DPF3: variants seen among roughly 807,000 people sequenced by gnomAD.
DPF3 encodes the protein zinc finger protein DPF3.
A neutral mutation model predicts 56.8 loss-of-function variants in DPF3; 18 were observed. That is an observed-to-expected ratio of 0.32 (90% confidence interval 0.22 to 0.47). The LOEUF (loss-of-function observed/expected upper bound fraction) is 0.47, where lower values mean the gene tolerates loss of function less well. Ranked by LOEUF, DPF3 falls within the 20% of genes least tolerant of loss-of-function variation. The probability of loss-of-function intolerance (pLI) is 1.00; values close to 1 mark genes in which losing one functional copy is unlikely to be tolerated. For missense variants in DPF3, 403 were observed against 488.8 expected, an observed-to-expected ratio of 0.82 and a Z score of 1.65; for synonymous variants, 188 against 180.2, an observed-to-expected ratio of 1.04 and a Z score of -0.35.
chr14:72,861,806 G>A (rs868026769), intron 1 of DPF3, among the ~76,000 whole-genome samples: 140 of 82,980 alleles, frequency 1.7e-3, no homozygotes, highest in African/African-American at 3.3e-3. Flanking sequence ...AAAGAAAGAA[G>A]GAAAGAATTT....
At chr14:72,803,817 A>C (rs1419636894) in intron 1 of DPF3, among the ~76,000 whole-genome samples, 1 of 152,236 alleles carries the variant, frequency 6.6e-6, no homozygotes, top group Non-Finnish European at 1.5e-5. Flanking sequence ...GAGCTTTGTA[A>C]CGCAAAAGGC....
Position 72,711,652 on chromosome 14 carries a change from T to C in DPF3, c.604+2771A>G, listed in dbSNP as rs183637492. 2.0e-5 allele frequency among the ~76,000 whole-genome samples: 3 copies of C among 151,978 alleles called. No individual in the cohort carries two copies. In the East Asian group the frequency reaches 5.8e-4, roughly 30 times the overall value. ...GGTGGGGCCCTAAGTCAACCAAGAA[T>C]ATATGGGATGTTCAGAAGGTCTCCC... On this transcript the variant is annotated intron_variant, in intron 6 of 10. Transcript: ENST00000556509.
At position 72,826,361 on chromosome 14, in the gene DPF3, G is replaced by A. The variant is rs76037696; in HGVS notation, c.33-54468C>T. On this transcript the variant is annotated intron_variant, in intron 1 of 10. Transcript: ENST00000556509. ...AATTAATCCTCTAGGCTTCCTCCCT[G>A]CACTCTGCCTACTCTCCGCTCCTCC... Among the ~76,000 whole-genome samples the A allele has an allele frequency of 2.8e-3, 427 of 152,240 alleles. 4 individuals are homozygous for A. Among genetic ancestry groups the A allele is most frequent in the African/African-American group, 9.9e-3 (411 of 41,538 alleles).
At chr14:72,844,346 T>C (rs1599490071) in intron 1 of DPF3, among the ~76,000 whole-genome samples, 1 of 152,168 alleles carries the variant, frequency 6.6e-6, no homozygotes, top group Admixed American at 6.5e-5. Flanking sequence ...ACCCCACCCA[T>C]CCTTGGGTCA....
chr14:72,724,064 G>A (rs1323052786), intron 4 of DPF3: 1 of 200,092 alleles, frequency 5.0e-6, no homozygotes, highest in Non-Finnish European at 9.9e-6. Context: ...TTTTGTAAAT[G>A]TAATGTTTCT....
intron 1 of DPF3, among the ~76,000 whole-genome samples, chr14:72,837,863 C>T (rs1884364540): frequency 6.6e-6 from 1 of 152,244 alleles, no homozygotes; most frequent in African/African-American, 2.4e-5. Flanking sequence ...AGTTCGTCTG[C>T]GGCCTTCATG....
intron 1 of DPF3, among the ~76,000 whole-genome samples, chr14:72,876,250 T>C (rs945780757): frequency 3.9e-5 from 6 of 152,022 alleles, no homozygotes; most frequent in Non-Finnish European, 7.4e-5. Flanking sequence ...ACAGGGTGTC[T>C]CCCTCACCCC....
intron 3 of DPF3, among the ~76,000 whole-genome samples, chr14:72,746,462 G>A (rs1567219655): frequency 6.6e-6 from 1 of 152,136 alleles, no homozygotes; most frequent in Non-Finnish European, 1.5e-5. Flanking sequence ...TCTGCCCTAG[G>A]GTTTGTGGGG....
chr14:72,617,605 G>A lies in DPF3; in HGVS notation c.*1692C>T, dbSNP rs1182290581. ...CCCCTGCAGGAGAGTGACCCCCATC[G>A]CTTGCCACAGGTCACTCTGCTGAAG... On this transcript the variant is annotated 3_prime_UTR_variant, in exon 11 of 11. Transcript: ENST00000556509. Among the ~76,000 whole-genome samples the A allele has an allele frequency of 5.3e-5, 8 of 152,164 alleles. No homozygotes were observed. Among genetic ancestry groups the A allele is most frequent in the Admixed American group, 5.2e-4 (8 of 15,282 alleles).
At chr14:72,762,892 T>C (rs1024015107) in intron 2 of DPF3, among the ~76,000 whole-genome samples, 2 of 152,010 alleles carry the variant, frequency 1.3e-5, no homozygotes, top group African/African-American at 4.8e-5. Flanking sequence ...AGAAAGCTAT[T>C]AGAACTAATG....
intron 8 of DPF3, among the ~76,000 whole-genome samples, chr14:72,660,855 C>T (rs559157200): frequency 6.6e-6 from 1 of 152,298 alleles, no homozygotes; most frequent in African/African-American, 2.4e-5. Flanking sequence ...CTTTCCAGGC[C>T]ACCATCTGTC....
intron 8 of DPF3, among the ~76,000 whole-genome samples, chr14:72,663,986 G>A (rs1400066786): frequency 6.6e-6 from 1 of 152,004 alleles, no homozygotes; most frequent in African/African-American, 2.4e-5. Flanking sequence ...ACCTGCTCCT[G>A]TTCCTTGCCT....
chr14:72,686,514 C>G (rs148917915), intron 7 of DPF3, among the ~76,000 whole-genome samples: 1 of 152,352 alleles, frequency 6.6e-6, no homozygotes, highest in African/African-American at 2.4e-5. Flanking sequence ...CATTCACACC[C>G]TGGACTGACC....
chr14:72,860,443 C>A (rs1885351545), intron 1 of DPF3, among the ~76,000 whole-genome samples: 1 of 152,220 alleles, frequency 6.6e-6, no homozygotes, highest in Non-Finnish European at 1.5e-5. Flanking sequence ...CCTCAGCCTC[C>A]CAAAGTGCTG....
chr14:72,702,591 GCCA>G (rs1259825179), intron 6 of DPF3, among the ~76,000 whole-genome samples: 3 of 152,088 alleles, frequency 2.0e-5, no homozygotes, highest in Non-Finnish European at 4.4e-5. Flanking sequence ...GAAGTTTGGG[GCCA>G]CCAACACCTC....
At chr14:72,743,402 G>A (rs527486988) in intron 3 of DPF3, among the ~76,000 whole-genome samples, 64 of 152,168 alleles carry the variant, frequency 4.2e-4, no homozygotes, top group African/African-American at 1.5e-3. Flanking sequence ...GCATCACCAG[G>A]ATCCCCTGGG....
intron 3 of DPF3, among the ~76,000 whole-genome samples, chr14:72,749,175 C>T (rs778324686): frequency 1.2e-4 from 19 of 152,328 alleles, no homozygotes; most frequent in South Asian, 4.1e-4. Context: ...GGTGGAGTTG[C>T]CCAAGATCAT....
intron 4 of DPF3, among the ~76,000 whole-genome samples, chr14:72,727,561 G>A (rs2139848350): frequency 6.7e-6 from 1 of 150,084 alleles, no homozygotes; most frequent in East Asian, 1.9e-4. Context: ...GGGTGACGAG[G>A]CGAGACTCCA....
chr14:72,787,972 C>T (rs1280827468), intron 1 of DPF3, among the ~76,000 whole-genome samples: 1 of 152,202 alleles, frequency 6.6e-6, no homozygotes, highest in Non-Finnish European at 1.5e-5. Flanking sequence ...CCCCAGGAGG[C>T]CCACAGGTGC....
Sources: gnomAD v4.1 joint callset for allele counts (sites outside exome capture counted in the v4.1 genomes callset) on GRCh38, gnomAD v4.1.1 for gene constraint, MANE v1.5 for transcripts, NCBI Gene and HGNC (gene_info 2026-07-23, HGNC 2026-07-21) for gene names.